The following PCDHGA9 variants were observed in gnomAD, a reference collection of about 807,000 sequenced individuals.
The protein encoded by PCDHGA9 is protocadherin gamma-A9.
A neutral mutation model predicts 62.5 loss-of-function variants in PCDHGA9; 37 were observed. The observed-to-expected ratio is 0.59, with a 90% confidence interval of 0.46 to 0.78. PCDHGA9 has a LOEUF of 0.78. PCDHGA9 is among the 30% of genes least tolerant of loss of function. PCDHGA9 has a pLI of 0.00. For synonymous variants in PCDHGA9, 459 were observed against 484.6 expected, an observed-to-expected ratio of 0.95 and a Z score of 0.69; for missense variants, 1,138 against 1,166.2, an observed-to-expected ratio of 0.98 and a Z score of 0.35.
intron 1 of PCDHGA9, among the ~76,000 whole-genome samples, chr5:141,454,750 T>C (rs992030704): frequency 1.3e-5 from 2 of 150,108 alleles, no homozygotes; most frequent in Admixed American, 6.7e-5. Flanking sequence ...GAGGCCAAAC[T>C]AATCTTGACA....
Position 141,431,975 on chromosome 5 carries a change from A to G in PCDHGA9, c.2424+26599A>G. 1 of 1,614,218 alleles carries G rather than the reference A, an allele frequency of 6.2e-7. No individual in the cohort carries two copies. Among genetic ancestry groups the G allele is most frequent in the Non-Finnish European group, 8.5e-7 (1 of 1,180,022 alleles). ...TTACGGAAATTACTATAGTTTAGTC[A>G]CAGACATAGTCTTGGATAGGGAACA... On this transcript the variant is annotated intron_variant, in intron 1 of 3. Transcript: ENST00000573521. The surrounding 1 kb of genome is among the most constrained non-coding windows in gnomAD (Gnocchi z 4.8).
At chr5:141,450,033 G>T (rs1377962229) in intron 1 of PCDHGA9, among the ~76,000 whole-genome samples, 2 of 131,450 alleles carry the variant, frequency 1.5e-5, no homozygotes, top group Admixed American at 8.4e-5. Flanking sequence ...TTGAGACAGG[G>T]TCTCACTCTT....
chr5:141,456,984 C>G (rs374156327), intron 1 of PCDHGA9, among the ~76,000 whole-genome samples: 1 of 152,200 alleles, frequency 6.6e-6, no homozygotes, highest in East Asian at 1.9e-4. Flanking sequence ...AACAAACAAA[C>G]AAACAAAAAC....
intron 1 of PCDHGA9, among the ~76,000 whole-genome samples, chr5:141,448,106 A>G (rs1308837314): frequency 1.3e-5 from 2 of 151,996 alleles, no homozygotes. Context: ...AAATTAAAAG[A>G]AAAGAAAATT....
chr5:141,421,239 G>C, intron 1 of PCDHGA9: 1 of 1,599,000 alleles, frequency 6.3e-7, no homozygotes, highest in South Asian at 1.1e-5. Flanking sequence ...TGGCGAATCG[G>C]CTACAGCGCG....
chr5:141,409,338 A>C, intron 1 of PCDHGA9: 5 of 1,614,002 alleles, frequency 3.1e-6, no homozygotes, highest in Non-Finnish European at 4.2e-6. Flanking sequence ...TTCGGAGGAA[A>C]TGGAGAAGTC....
intron 1 of PCDHGA9, chr5:141,422,399 T>A: frequency 1.3e-6 from 2 of 1,598,374 alleles, no homozygotes; most frequent in Non-Finnish European, 1.7e-6. Context: ...CCTAACCACC[T>A]GCCTTTTAAA....
chr5:141,487,258 G>A lies in PCDHGA9; in HGVS notation c.2425-7549G>A, dbSNP rs368598017. The A allele has an allele frequency of 3.7e-6, 6 of 1,614,026 alleles. No homozygotes were observed. Among genetic ancestry groups the A allele is most frequent in the Non-Finnish European group, 4.2e-6 (5 of 1,180,030 alleles). On this transcript the variant is annotated intron_variant, in intron 1 of 3. Transcript: ENST00000573521. The surrounding 1 kb of genome is among the most constrained non-coding windows in gnomAD (Gnocchi z 5.0). ...CTCGTCTAACCCTCTACTTGGCTGT[G>A]TCCCTAGTGGCAATTTGCTTTGTCT...
At chr5:141,443,713 A>G (rs774603084) in intron 1 of PCDHGA9, among the ~76,000 whole-genome samples, 19 of 152,246 alleles carry the variant, frequency 1.2e-4, no homozygotes, top group Admixed American at 8.5e-4. Flanking sequence ...ACATTTGCAT[A>G]TAAAATTCCT....
At chr5:141,492,487 C>G (rs1031047955) in intron 1 of PCDHGA9, among the ~76,000 whole-genome samples, 1 of 152,222 alleles carries the variant, frequency 6.6e-6, no homozygotes, top group Non-Finnish European at 1.5e-5. Flanking sequence ...CGCCCAGGAC[C>G]AGGCGAGGAC....
At position 141,487,510 on chromosome 5, in the gene PCDHGA9, C is replaced by A; in HGVS notation, c.2425-7297C>A. On this transcript the variant is annotated intron_variant, in intron 1 of 3. Transcript: ENST00000573521. The surrounding 1 kb of genome is among the most constrained non-coding windows in gnomAD (Gnocchi z 5.0). ...GCTGTACACCCTTGGCTTCTGCACC[C>A]ACTCGGAGTGATAGCTTCATGATGG... is the stretch of plus-strand genomic sequence containing the variant. The A allele has an allele frequency of 6.2e-7, 1 of 1,614,210 alleles. No homozygotes were observed. Among genetic ancestry groups the A allele is most frequent in the Non-Finnish European group, 8.5e-7 (1 of 1,180,042 alleles).
chr5:141,403,172 C>T lies in PCDHGA9; in HGVS notation c.220C>T (p.Leu74Phe). The part of the protein sequence containing the change: ...VRIVSRGRTQ[L>F]FSLNPRSGTL... ...CATCGTCTCTAGAGGTAGGACGCAG[C>T]TTTTCTCTCTGAACCCGCGCAGCGG... Residue 74 changes from leucine to phenylalanine, a missense_variant, in exon 1 of 4, where the codon CTT becomes TTT. Physicochemically the swap from Leu to Phe is conservative, Grantham distance 22. Coordinates refer to ENST00000573521, the MANE Select transcript of PCDHGA9 (RefSeq NM_018921.3). The T allele has an allele frequency of 6.2e-7, 1 of 1,614,018 alleles. No homozygotes were observed. Among genetic ancestry groups the T allele is most frequent in the Non-Finnish European group, 8.5e-7 (1 of 1,179,910 alleles).
chr5:141,490,051 G>A lies in PCDHGA9; in HGVS notation c.2425-4756G>A, dbSNP rs779280988. The A allele has an allele frequency of 6.2e-6, 10 of 1,614,094 alleles. No homozygotes were observed. Among genetic ancestry groups the A allele is most frequent in the Admixed American group, 5.0e-5 (3 of 60,012 alleles). ...CCGCCTCAATGCCACTGATCCAGAC[G>A]AGGGCACCAACGGCCAACTAGACTA... On this transcript the variant is annotated intron_variant, in intron 1 of 3. Coordinates refer to ENST00000573521, the MANE Select transcript of PCDHGA9 (RefSeq NM_018921.3). The surrounding 1 kb of genome is among the most constrained non-coding windows in gnomAD (Gnocchi z 5.4).
intron 1 of PCDHGA9, among the ~76,000 whole-genome samples, chr5:141,475,750 T>C (rs1158317865): frequency 6.6e-6 from 1 of 152,270 alleles, no homozygotes; most frequent in African/African-American, 2.4e-5. Context: ...AGGTTTCCTA[T>C]GCACCGATAC....
At position 141,432,818 on chromosome 5, in the gene PCDHGA9, T is replaced by C. The variant is rs370597280; in HGVS notation, c.2424+27442T>C. On this transcript the variant is annotated intron_variant, in intron 1 of 3. Transcript: ENST00000573521. This position sits in a 1 kb window ranked among gnomAD's most constrained non-coding sequence, Gnocchi z 6.0. The stretch of plus-strand genomic sequence containing the variant: ...CGAGTCTCCAGCTAACTCTGAAACC[T>C]CAGACCTCACTCTGTACCTGGTGGT... 9.9e-6 allele frequency: 16 copies of C among 1,614,106 alleles called. No individual in the cohort carries two copies. The highest frequency in any genetic ancestry group is 1.4e-5 in the Non-Finnish European group (16 of 1,179,986).
At chr5:141,448,247 A>G (rs1449158776) in intron 1 of PCDHGA9, among the ~76,000 whole-genome samples, 1 of 152,104 alleles carries the variant, frequency 6.6e-6, no homozygotes, top group Non-Finnish European at 1.5e-5. Flanking sequence ...TTTGCACAAC[A>G]GGATCATTTT....
At position 141,499,689 on chromosome 5, in the gene PCDHGA9, C is replaced by CTT. The variant is rs545067566; in HGVS notation, c.2483+4845_2483+4846dup. 4.8e-3 allele frequency among the ~76,000 whole-genome samples: 577 copies of CTT among 119,808 alleles called. 2 individuals carry two copies. Among genetic ancestry groups the CTT allele is most frequent in the Non-Finnish European group, 6.7e-3 (386 of 57,912 alleles). 78.6% of individuals were successfully genotyped at this position (119,808 alleles called of 152,430 possible). A position where few individuals can be genotyped will look rare whatever the true frequency, so the allele number is the denominator to read the frequency against. On this transcript the variant is annotated intron_variant, in intron 2 of 3. Coordinates refer to ENST00000573521, the MANE Select transcript of PCDHGA9 (RefSeq NM_018921.3). ...GGTCTCCACCATCTTTAACAGATGA[C>CTT]TTTTTTTTTTTTTTTTTTTTTTGGA...
intron 1 of PCDHGA9, among the ~76,000 whole-genome samples, chr5:141,450,038 A>G (rs2098666630): frequency 8.1e-6 from 1 of 124,190 alleles, no homozygotes; most frequent in African/African-American, 3.3e-5. Context: ...ACAGGGTCTC[A>G]CTCTTTCGCC....
At chr5:141,492,265 G>C (rs1363279754) in intron 1 of PCDHGA9, among the ~76,000 whole-genome samples, 1 of 152,180 alleles carries the variant, frequency 6.6e-6, no homozygotes, top group Non-Finnish European at 1.5e-5. Flanking sequence ...CAAGTTGCAC[G>C]GGCTCGCCAC....
Sources: allele counts gnomAD v4.1 joint callset (sites outside exome capture counted in the v4.1 genomes callset), GRCh38; gene constraint gnomAD v4.1.1; non-coding constraint Gnocchi (gnomAD v3.1); transcripts MANE v1.5; gene names NCBI Gene and HGNC (gene_info 2026-07-23, HGNC 2026-07-21).